The following GFRA1 variants were observed in gnomAD, a reference collection of about 807,000 sequenced individuals.
The protein encoded by GFRA1 is GDNF family receptor alpha 1.
GFRA1 carries 16 observed loss-of-function variants against 51.6 expected under a neutral mutation model. The observed-to-expected ratio is 0.31, with a 90% CI of 0.21 to 0.47. The LOEUF (loss-of-function observed/expected upper bound fraction) is 0.47. Ranked by LOEUF, GFRA1 falls within the 20% of genes least tolerant of loss-of-function variation. GFRA1 has a pLI of 1.00. For synonymous variants in GFRA1, 270 were observed against 241.3 expected (o/e 1.12, Z -1.10); for missense variants, 530 against 594.3 (o/e 0.89, Z 1.13).
intron 7 of GFRA1, among the ~76,000 whole-genome samples, chr10:116,094,962 A>G (rs947004755): frequency 2.0e-5 from 3 of 152,192 alleles, no homozygotes; most frequent in Non-Finnish European, 2.9e-5. Flanking sequence ...CCTTGTCCAG[A>G]AAGAAGTTGG....
At chr10:116,146,359 T>C (rs898487661) in intron 5 of GFRA1, among the ~76,000 whole-genome samples, 4 of 152,246 alleles carry the variant, frequency 2.6e-5, no homozygotes, top group Admixed American at 2.0e-4. Context: ...AGGAGAACCA[T>C]ATTAGTTTGA....
At chr10:116,224,595 G>A (rs1173951267) in intron 4 of GFRA1, among the ~76,000 whole-genome samples, 3 of 152,158 alleles carry the variant, frequency 2.0e-5, no homozygotes, top group South Asian at 4.1e-4. Flanking sequence ...CAGACACAAA[G>A]ACCACGTATT....
chr10:116,230,223 C>T (rs1014218179), intron 4 of GFRA1, among the ~76,000 whole-genome samples: 7 of 152,152 alleles, frequency 4.6e-5, no homozygotes, highest in African/African-American at 7.2e-5. Context: ...CCTGATACAT[C>T]GTGATGGTCT....
intron 6 of GFRA1, among the ~76,000 whole-genome samples, chr10:116,121,476 T>G (rs1220160533): frequency 6.6e-6 from 1 of 152,084 alleles, no homozygotes; most frequent in Non-Finnish European, 1.5e-5. Flanking sequence ...GAAAACAAAG[T>G]CAAACGGAAA....
At chr10:116,083,607 C>T (rs551946084) in intron 9 of GFRA1, among the ~76,000 whole-genome samples, 1 of 152,288 alleles carries the variant, frequency 6.6e-6, no homozygotes, top group African/African-American at 2.4e-5. Context: ...CCTTTTAAAA[C>T]TCGACACTTA....
Position 116,113,011 on chromosome 10 carries a change from G to A in GFRA1, c.770+12210C>T, listed in dbSNP as rs114875932. ...CATCTAGCACAGCAGTTCTCAAAGC[G>A]AGGTCTAGGGATCCTGGCAGTCTCA... On this transcript the variant is annotated intron_variant, in intron 6 of 10. Coordinates refer to ENST00000355422, the MANE Select transcript of GFRA1 (RefSeq NM_005264.8). 5.4e-3 allele frequency among the ~76,000 whole-genome samples: 825 copies of A among 152,308 alleles called. 3 individuals are homozygous for A. Among genetic ancestry groups the A allele is most frequent in the African/African-American group, 0.019 (787 of 41,556 alleles).
chr10:116,206,461 G>A (rs930713720), intron 5 of GFRA1, among the ~76,000 whole-genome samples: 3 of 152,106 alleles, frequency 2.0e-5, no homozygotes, highest in African/African-American at 7.2e-5. Context: ...ACAATTAACA[G>A]GCTTGGCTCG....
At chr10:116,156,456 A>T (rs1409051937) in intron 5 of GFRA1, among the ~76,000 whole-genome samples, 2 of 152,168 alleles carry the variant, frequency 1.3e-5, no homozygotes, top group African/African-American at 4.8e-5. Context: ...GGAGGCCTGA[A>T]TTCTGGAGTA....
chr10:116,212,942 CCACT>C (rs1965312775), intron 4 of GFRA1, among the ~76,000 whole-genome samples: 1 of 152,184 alleles, frequency 6.6e-6, no homozygotes, highest in Admixed American at 6.5e-5. Flanking sequence ...ATACCGCCTC[CCACT>C]CACTCCAAAA....
intron 5 of GFRA1, among the ~76,000 whole-genome samples, chr10:116,188,065 C>G (rs1338758659): frequency 6.6e-6 from 1 of 152,094 alleles, no homozygotes; most frequent in African/African-American, 2.4e-5. Context: ...AAACCACAAC[C>G]CTATATATAA....
chr10:116,185,627 T>G (rs948588067), intron 5 of GFRA1, among the ~76,000 whole-genome samples: 1 of 152,204 alleles, frequency 6.6e-6, no homozygotes, highest in African/African-American at 2.4e-5. Flanking sequence ...TCAGGGATTA[T>G]TTATGCTCTG....
At chr10:116,197,608 A>C (rs188794903) in intron 5 of GFRA1, among the ~76,000 whole-genome samples, 1 of 152,196 alleles carries the variant, frequency 6.6e-6, no homozygotes, top group Non-Finnish European at 1.5e-5. Context: ...TTCCAGATGA[A>C]CTAAGACATC....
At position 116,096,712 on chromosome 10, in the gene GFRA1, T is replaced by C. The variant is rs777040665; in HGVS notation, c.823A>G (p.Ser275Gly). The change falls in exon 7 of 11, where the codon AGC becomes GGC. Residue 275 changes from serine (S) to glycine (G), a missense_variant. Ser to Gly is a moderately conservative substitution (Grantham distance 56, BLOSUM62 0). Coordinates refer to ENST00000355422, the MANE Select transcript of GFRA1 (RefSeq NM_005264.8). ...GCGTAGTTTTCCTTTAGACAGCTGC[T>C]GACAGACCTTGACTCTGGCTGGCAG... is the stretch of plus-strand genomic sequence containing the variant. ...TNCQPESRSV[S>G]SCLKENYADC... 1.1e-5 allele frequency: 18 copies of C among 1,613,214 alleles called. No homozygotes were observed. The South Asian group carries it at 2.0e-4, about 18-fold the overall frequency.
At position 116,059,881 on chromosome 10, in the gene GFRA1, T is replaced by C. The variant is rs995314622; in HGVS notation, c.*4517A>G. The C allele has an allele frequency of 3.3e-5, 5 of 152,196 alleles. No homozygotes were observed. The highest frequency in any genetic ancestry group is 9.7e-5 in the African/African-American group (4 of 41,440). The allele number at this position is 152,196 out of a possible 1,614,324, so 9.4% of individuals were successfully genotyped here. On this transcript the variant is annotated 3_prime_UTR_variant, in exon 11 of 11. Coordinates refer to ENST00000355422, the MANE Select transcript of GFRA1 (RefSeq NM_005264.8). ...GATCATCTGGCTCCTGAGAGAGGCTTCTCTGTCTTAAAATATATCTGTTGG... is the reference window on the plus strand; with the variant it reads ...GATCATCTGGCTCCTGAGAGAGGCTCCTCTGTCTTAAAATATATCTGTTGG...
At chr10:116,165,186 T>C (rs2134195371) in intron 5 of GFRA1, among the ~76,000 whole-genome samples, 1 of 152,312 alleles carries the variant, frequency 6.6e-6, no homozygotes, top group South Asian at 2.1e-4. Flanking sequence ...TTAAGTCTCA[T>C]TCTGCCTTTA....
In GFRA1 at chr10:116,219,846, C is replaced by G. The variant is rs116319553; in HGVS notation, c.419-8201G>C. On this transcript the variant is annotated intron_variant, in intron 4 of 10. Transcript: ENST00000355422. The stretch of plus-strand genomic sequence containing the variant: ...ATACTAAAAGTGAGCCCCTGGATAT[C>G]AAGCTTTACATTTTAAAAAGTCTCC... Among the ~76,000 whole-genome samples, 1,349 of 152,254 alleles carry G rather than the reference C, an allele frequency of 8.9e-3. 21 individuals are homozygous for G. Among genetic ancestry groups the G allele is most frequent in the African/African-American group, 0.031 (1,271 of 41,560 alleles).
At chr10:116,269,419 T>C (rs1480051451) in intron 4 of GFRA1, 84 bp downstream of exon 4, 16 of 810,632 alleles carry the variant, frequency 2.0e-5, no homozygotes, top group Non-Finnish European at 2.9e-5. Context: ...TATCTACTTA[T>C]ATGCTCTTTG....
chr10:116,133,733 C>T (rs948442594), intron 5 of GFRA1, among the ~76,000 whole-genome samples: 12 of 152,194 alleles, frequency 7.9e-5, no homozygotes, highest in Non-Finnish European at 1.5e-5. Flanking sequence ...CTGGCCTCTC[C>T]GCGGTCTGCG....
intron 5 of GFRA1, among the ~76,000 whole-genome samples, chr10:116,167,399 T>G (rs1399459014): frequency 6.6e-6 from 1 of 152,102 alleles, no homozygotes; most frequent in East Asian, 1.9e-4. Flanking sequence ...AGCCTCTTAC[T>G]TTCTCCTTGA....
Sources: gnomAD v4.1 joint callset for allele counts (sites outside exome capture counted in the v4.1 genomes callset) on GRCh38, gnomAD v4.1.1 for gene constraint, MANE v1.5 for transcripts, NCBI Gene and HGNC (gene_info 2026-07-23, HGNC 2026-07-21) for gene names.